The following CAPN7 variants were observed in gnomAD, a reference collection of about 807,000 sequenced individuals.
The protein encoded by CAPN7 is calpain 7, also known as calpain-7.
CAPN7 carries 72 observed loss-of-function variants against 115.2 expected under a neutral mutation model. The observed-to-expected ratio is 0.63, with a 90% CI of 0.52 to 0.76. CAPN7 has a LOEUF of 0.76. Among genes scored for constraint, CAPN7 ranks in the 30% least tolerant of loss-of-function variants. The probability of loss-of-function intolerance (pLI) is 0.00; values close to 1 mark genes in which losing one functional copy is unlikely to be tolerated. For missense variants in CAPN7, 905 were observed against 971.5 expected, an observed-to-expected ratio of 0.93 and a Z score of 0.91; for synonymous variants, 344 against 322.3, an observed-to-expected ratio of 1.07 and a Z score of -0.72.
intron 12 of CAPN7, 59 bp from the exon 13 acceptor site, chr3:15,240,414 C>A (rs1695270168): frequency 1.4e-6 from 2 of 1,467,052 alleles, no homozygotes; most frequent in African/African-American, 1.4e-5. Context: ...AATAAGAGAA[C>A]TAATATGGTA....
At chr3:15,227,162 T>C (rs1694370221) in intron 6 of CAPN7, among the ~76,000 whole-genome samples, 1 of 151,720 alleles carries the variant, frequency 6.6e-6, no homozygotes. Context: ...ATGTTTCCCC[T>C]TGGTGTACAC....
rs1460385032 is a variant in CAPN7, at chr3:15,241,590, T to C, written c.1788+2T>C. ...CTTAGTAGACACATAACAGACAAGG[T>C]ACTGATACCCTTCTAATGATATCCC... On this transcript the variant is annotated splice_donor_variant, in intron 15 of 20. Transcript: ENST00000253693. LOFTEE classifies it high-confidence loss of function. The C allele has an allele frequency of 6.2e-7, 1 of 1,612,512 alleles. No homozygotes were observed. The highest frequency in any genetic ancestry group is 1.3e-5 in the African/African-American group (1 of 74,938).
At chr3:15,241,673 C>T (rs1182175926) in intron 15 of CAPN7, 85 bp downstream of exon 15, 19 of 1,158,896 alleles carry the variant, frequency 1.6e-5, no homozygotes, top group African/African-American at 4.6e-5. Context: ...TAAACACCAG[C>T]CTGTTTAATT....
chr3:15,228,047 T>C, intron 7 of CAPN7, 82 bp downstream of exon 7: 1 of 1,059,608 alleles, frequency 9.4e-7, no homozygotes, highest in South Asian at 3.2e-5. Context: ...TTTTCTTAGA[T>C]TTTTTATTAT....
intron 12 of CAPN7, 28 bp from the exon 13 acceptor site, chr3:15,240,445 T>C (rs777680562): frequency 8.1e-6 from 13 of 1,598,144 alleles, no homozygotes; most frequent in Middle Eastern, 2.2e-4. Flanking sequence ...TACAACTTAA[T>C]GTTATCTCCT....
Position 15,212,159 on chromosome 3 carries a change from T to C in CAPN7, c.158T>C (p.Ile53Thr), listed in dbSNP as rs938663568. The stretch of plus-strand genomic sequence containing the variant: ...ATGGCAGGATCAAGCCTAGAAAATA[T>C]TCAAGAAAAAATAACTGAGTATCTG... Reference protein sequence around the residue: ...AEMAGSSLENIQEKITEYLER... With the variant: ...AEMAGSSLENTQEKITEYLER... The change falls in exon 2 of 21, where the codon ATT becomes ACT. Residue 53 changes from isoleucine to threonine, a missense_variant. Physicochemically the swap from Ile to Thr is moderately conservative, Grantham distance 89. Transcript: ENST00000253693. 9.3e-6 allele frequency: 15 copies of C among 1,611,440 alleles called. No homozygotes were observed. The highest frequency in any genetic ancestry group is 1.2e-5 in the Non-Finnish European group (14 of 1,178,496).
chr3:15,238,952 G>A (rs903447531), intron 12 of CAPN7, among the ~76,000 whole-genome samples: 1 of 141,080 alleles, frequency 7.1e-6, no homozygotes, highest in Non-Finnish European at 1.5e-5. Flanking sequence ...TGGTGTCCTT[G>A]AATATCACTG....
chr3:15,237,848 G>A (rs546485377), intron 12 of CAPN7, among the ~76,000 whole-genome samples: 119 of 151,822 alleles, frequency 7.8e-4, no homozygotes, highest in African/African-American at 2.7e-3. Context: ...ATGGTGGCAC[G>A]TGCCTGTAGT....
At chr3:15,222,477 G>A (rs571870568) in intron 5 of CAPN7, among the ~76,000 whole-genome samples, 1 of 152,194 alleles carries the variant, frequency 6.6e-6, no homozygotes, top group African/African-American at 2.4e-5. Flanking sequence ...GAGCTGAAAG[G>A]GCTTCTGCCT....
chr3:15,235,209 T>C, intron 12 of CAPN7, 64 bp downstream of exon 12: 1 of 1,434,230 alleles, frequency 7.0e-7, no homozygotes, highest in Non-Finnish European at 9.4e-7. Context: ...GGATCCCAGA[T>C]AATTTATCAG....
intron 7 of CAPN7, 121 bp from the exon 8 acceptor site, chr3:15,228,853 T>A: frequency 1.4e-6 from 1 of 701,584 alleles, no homozygotes; most frequent in Admixed American, 2.6e-5. Context: ...GAACCTAAAA[T>A]AGAAGTTTTA....
chr3:15,206,528 G>T lies in CAPN7; in HGVS notation c.33G>T (p.Val11=). The change falls in exon 1 of 21, where the codon GTG becomes GTT. Residue 11 remains valine (V), a synonymous_variant. Coordinates refer to ENST00000253693, the MANE Select transcript of CAPN7 (RefSeq NM_014296.3). MDATALERDA[V]QFARLAVQRD... ...CCACAGCACTGGAGCGGGACGCTGT[G>T]CAGTTCGCCCGTCTGGCGGTTCAGC... 1.3e-6 allele frequency: 2 copies of T among 1,555,766 alleles called. No homozygotes were observed. Among genetic ancestry groups the T allele is most frequent in the African/African-American group, 1.4e-5 (1 of 73,066 alleles).
Position 15,240,743 on chromosome 3 carries a change from TTAA to T in CAPN7, c.1553-9_1553-7del. 1 of 1,593,764 alleles carries T rather than the reference TTAA, an allele frequency of 6.3e-7. No homozygotes were observed. Among genetic ancestry groups the T allele is most frequent in the Non-Finnish European group, 8.6e-7 (1 of 1,165,434 alleles). On this transcript the variant is annotated splice_polypyrimidine_tract_variant and splice_region_variant and intron_variant, in intron 13 of 20. Coordinates refer to ENST00000253693, the MANE Select transcript of CAPN7 (RefSeq NM_014296.3). ...AGATTTTTTTAGATTAACAAAGATA[TTAA>T]TTTTCAGGAATATTTTGGATTTCCT...
In CAPN7 at chr3:15,228,940, T is replaced by A. The variant is rs773836587; in HGVS notation, c.853-34T>A. 8.1e-6 allele frequency: 12 copies of A among 1,478,100 alleles called. No homozygotes were observed. In the East Asian group the frequency reaches 2.5e-4, roughly 31 times the overall value. The allele number at this position is 1,478,100 out of a possible 1,614,324, so 91.6% of individuals were successfully genotyped here. ...TGCGGTAATGTTGAAATTACGTGAA[T>A]GAATATGAATATGTTAATTATTCTT... On this transcript the variant is annotated intron_variant, in intron 7 of 20. Coordinates refer to ENST00000253693, the MANE Select transcript of CAPN7 (RefSeq NM_014296.3).
chr3:15,224,416 G>A (rs1219409983), intron 6 of CAPN7, among the ~76,000 whole-genome samples: 1 of 151,918 alleles, frequency 6.6e-6, no homozygotes, highest in African/African-American at 2.4e-5. Context: ...GGGACCGCAG[G>A]CATGCACCAT....
intron 19 of CAPN7, among the ~76,000 whole-genome samples, chr3:15,249,789 C>T (rs889870653): frequency 1.0e-4 from 15 of 149,912 alleles, no homozygotes; most frequent in African/African-American, 3.7e-4. Flanking sequence ...TTTTTTGAGA[C>T]AGAGTCTTGC....
At position 15,215,217 on chromosome 3, in the gene CAPN7, TAGTTTAAG is replaced by T. The variant is rs1311332697; in HGVS notation, c.212-2199_212-2192del. On this transcript the variant is annotated intron_variant, in intron 2 of 20. Coordinates refer to ENST00000253693, the MANE Select transcript of CAPN7 (RefSeq NM_014296.3). ...AGGCAGAAGGGTCACTTGAGCCCAGTAGTTTAAGAGTTTAAGGCCAGCCTGGGCAACCT... is the reference window on the plus strand; with the variant it reads ...AGGCAGAAGGGTCACTTGAGCCCAGTAGTTTAAGGCCAGCCTGGGCAACCT... Among the ~76,000 whole-genome samples, 6 of 151,888 alleles carry T rather than the reference TAGTTTAAG, an allele frequency of 4.0e-5. No homozygotes were observed. In the South Asian group the frequency reaches 1.2e-3, roughly 32 times the overall value.
intron 1 of CAPN7, chr3:15,211,017 T>C: frequency 1.2e-6 from 1 of 860,616 alleles, no homozygotes; most frequent in Non-Finnish European, 1.4e-6. Flanking sequence ...AACACCACCT[T>C]CTAGCCATAG....
At chr3:15,218,628 T>A in intron 4 of CAPN7, 88 bp downstream of exon 4, 1 of 891,888 alleles carries the variant, frequency 1.1e-6, no homozygotes, top group Non-Finnish European at 1.8e-6. Flanking sequence ...AAGGCTGCAG[T>A]AACAAACCTC....
Sources: gnomAD v4.1 joint callset for allele counts (sites outside exome capture counted in the v4.1 genomes callset) on GRCh38, gnomAD v4.1.1 for gene constraint, MANE v1.5 for transcripts, NCBI Gene and HGNC (gene_info 2026-07-23, HGNC 2026-07-21) for gene names.